ADCY4: variants seen among roughly 807,000 people sequenced by gnomAD.
ADCY4 encodes the protein adenylate cyclase type 4.
ADCY4 carries 111 observed loss-of-function variants against 125.5 expected under a neutral mutation model. The ratio of observed to expected loss-of-function variants is 0.88; its 90% CI spans 0.76 to 1.04. ADCY4 has a LOEUF of 1.04. ADCY4 is among the 50% of genes least tolerant of loss of function. The pLI, the probability that ADCY4 is intolerant of heterozygous loss-of-function variation, is 0.00. For synonymous variants in ADCY4, 576 were observed against 586.9 expected, an observed-to-expected ratio of 0.98 and a Z score of 0.27; for missense variants, 1,256 against 1,382.9, an observed-to-expected ratio of 0.91 and a Z score of 1.46.
At position 24,328,972 on chromosome 14, in the gene ADCY4, G is replaced by A; in HGVS notation, c.1524+89C>T. The A allele has an allele frequency of 2.0e-6, 3 of 1,464,690 alleles. No individual in the cohort carries two copies. In the South Asian group the frequency reaches 3.8e-5, roughly 18 times the overall value. The allele number at this position is 1,464,690 out of a possible 1,614,324, so 90.7% of individuals were successfully genotyped here. A position where few individuals can be genotyped will look rare whatever the true frequency, so the allele number is the denominator to read the frequency against. ...CAAATCATTAAGTGGCTCACTGGTG[G>A]TGGGGGCAGGGAAGGCTGCCAGTGG... On this transcript the variant is annotated intron_variant, in intron 10 of 24. Transcript: ENST00000418030.
intron 10 of ADCY4, chr14:24,328,672 A>G (rs1178297889): frequency 4.8e-6 from 1 of 206,428 alleles, no homozygotes; most frequent in East Asian, 1.3e-4. Flanking sequence ...ATTCGGGGCC[A>G]CTACCGGTCT....
chr14:24,328,880 G>T, intron 10 of ADCY4, 181 bp downstream of exon 10: 1 of 725,476 alleles, frequency 1.4e-6, no homozygotes. Context: ...TTCTCTAGAA[G>T]GAGGGGCAAG....
chr14:24,322,247 A>G (rs2139196789), intron 19 of ADCY4, 23 bp from the exon 20 acceptor site: 1 of 1,601,646 alleles, frequency 6.2e-7, no homozygotes, highest in Non-Finnish European at 8.5e-7. Flanking sequence ...ACCCGGGGCC[A>G]TGGGGAGACA....
intron 20 of ADCY4, 122 bp downstream of exon 20, chr14:24,321,944 A>G: frequency 7.1e-7 from 1 of 1,417,596 alleles, no homozygotes; most frequent in Non-Finnish European, 9.3e-7. Context: ...ACGCTTGACA[A>G]GCACAAGGGC....
At position 24,324,191 on chromosome 14, in the gene ADCY4, G is replaced by A. The variant is rs371700214; in HGVS notation, c.1917C>T (p.Val639=). ...VCFSEDLMRC[V]LKGPKMLHWL... is the part of the protein sequence containing the mutation. ...AGTGCAGCATCTTGGGGCCTTTCAG[G>A]ACACACCTCTGTGGAGGGAGCATGG... The change falls in exon 16 of 25, where the codon GTC becomes GTT. Residue 639 remains valine, a synonymous_variant. Coordinates refer to ENST00000418030, the MANE Select transcript of ADCY4 (RefSeq NM_001198568.2). 7.4e-6 allele frequency: 12 copies of A among 1,614,116 alleles called. No individual in the cohort carries two copies. The African/African-American group carries it at 1.6e-4, about 22-fold the overall frequency.
At chr14:24,325,306 G>A (rs533683881) in intron 14 of ADCY4, 71 bp downstream of exon 14, 1 of 1,305,380 alleles carries the variant, frequency 7.7e-7, no homozygotes, top group Non-Finnish European at 1.1e-6. Flanking sequence ...AAGAAAGTGT[G>A]GCCCGGGGTC....
At chr14:24,331,179 C>A (rs1173801311) in intron 5 of ADCY4, 29 bp downstream of exon 5, 3 of 1,613,700 alleles carry the variant, frequency 1.9e-6, no homozygotes, top group Non-Finnish European at 2.5e-6. Flanking sequence ...GCCCACAGGC[C>A]CCTCCCCTCC....
intron 9 of ADCY4, 65 bp downstream of exon 9, chr14:24,329,336 T>G (rs1447297067): frequency 7.0e-6 from 11 of 1,562,616 alleles, no homozygotes; most frequent in Non-Finnish European, 7.8e-6. Flanking sequence ...ACAGAAGAGA[T>G]CAGGCCTGTT....
At chr14:24,321,943 A>C in intron 20 of ADCY4, 123 bp downstream of exon 20, 1 of 1,418,676 alleles carries the variant, frequency 7.0e-7, no homozygotes, top group Middle Eastern at 2.0e-4. Flanking sequence ...GACGCTTGAC[A>C]AGCACAAGGG....
rs756925041 is a variant in ADCY4 at position 24,329,403 on chromosome 14, G to C, written c.1348C>G (p.Arg450Gly). 6.4e-7 allele frequency: 1 copy of C among 1,551,392 alleles called. No individual in the cohort carries two copies. The highest frequency in any genetic ancestry group is 1.4e-5 in the African/African-American group (1 of 72,520). Reference protein sequence around the residue: ...GEPTYLVIDPRAEEEDEKGTA... With the variant: ...GEPTYLVIDPGAEEEDEKGTA... ...TGGGGTCTGGGCTGGGCTTTTACCC[G>C]TGGATCGATGACCAGATAGGTAGGC... The change falls in exon 9 of 25, where the codon CGG (arginine) becomes GGG (glycine). Residue 450 changes from arginine to glycine, a missense_variant and splice_region_variant. Coordinates refer to ENST00000418030, the MANE Select transcript of ADCY4 (RefSeq NM_001198568.2).
intron 20 of ADCY4, chr14:24,321,847 T>C: frequency 3.1e-6 from 4 of 1,311,430 alleles, no homozygotes; most frequent in Non-Finnish European, 3.9e-6. Context: ...TGGTCATGAG[T>C]TAGAGAAGAC....
At chr14:24,321,963 C>G in intron 20 of ADCY4, 103 bp downstream of exon 20, 1 of 1,464,634 alleles carries the variant, frequency 6.8e-7, no homozygotes, top group Non-Finnish European at 9.1e-7. Context: ...GCTTGGGTGA[C>G]CCTTCTGGGG....
chr14:24,334,027 A>G (rs1355360865), intron 1 of ADCY4, among the ~76,000 whole-genome samples: 1 of 152,204 alleles, frequency 6.6e-6, no homozygotes, highest in Non-Finnish European at 1.5e-5. Context: ...TGGATTGAAG[A>G]CCTTCTTCCT....
intron 1 of ADCY4, among the ~76,000 whole-genome samples, chr14:24,334,232 G>C (rs2042096722): frequency 6.6e-6 from 1 of 152,138 alleles, no homozygotes; most frequent in Non-Finnish European, 1.5e-5. Flanking sequence ...ATTTATTGTA[G>C]AACCCGTAGA....
At position 24,324,074 on chromosome 14, in the gene ADCY4, G is replaced by T. The variant is rs1407512433; in HGVS notation, c.2034C>A (p.Ala678=). 1.2e-6 allele frequency: 2 copies of T among 1,614,078 alleles called. No individual in the cohort carries two copies. Among genetic ancestry groups the T allele is most frequent in the African/African-American group, 2.7e-5 (2 of 74,948 alleles). Residue 678 remains alanine, a synonymous_variant, in exon 16 of 25, where the codon GCC becomes GCA. Transcript: ENST00000418030. ...TATILLVFAM[A]ITSLFFFPTS... ...CCTCTGTCCTCACCAGGCTGGTAAT[G>T]GCCATGGCAAAGACAAGGAGGATGG...
intron 24 of ADCY4, 41 bp from the exon 25 acceptor site, chr14:24,318,609 A>C: frequency 6.2e-7 from 1 of 1,614,090 alleles, no homozygotes; most frequent in Non-Finnish European, 8.5e-7. Context: ...AGGTGGCCCT[A>C]TTCTTAGTCC....
Position 24,331,097 on chromosome 14 carries a change from C to A in ADCY4, c.851G>T (p.Arg284Leu), listed in dbSNP as rs752323670. 2 of 1,613,466 alleles carry A rather than the reference C, an allele frequency of 1.2e-6. No homozygotes were observed. The highest frequency in any genetic ancestry group is 8.5e-7 in the Non-Finnish European group (1 of 1,179,492). ...CTTAGGGGAACACTCGCTGGCCAGC[C>A]GCGTGAAGCCCACGATGTCAGCATA... ...VLYADIVGFT[R>L]LASECSPKEL... Residue 284 changes from arginine to leucine, a missense_variant, in exon 6 of 25, where the codon CGG (arginine) becomes CTG (leucine). Physicochemically the swap from Arg to Leu is moderately radical, Grantham distance 102 (BLOSUM62 -2). Transcript: ENST00000418030.
intron 10 of ADCY4, 183 bp downstream of exon 10, chr14:24,328,875 TAGA>T: frequency 2.8e-6 from 2 of 712,938 alleles, no homozygotes; most frequent in Non-Finnish European, 4.6e-6. Flanking sequence ...GCTCTTTCTC[TAGA>T]AGGAGGGGCA....
At chr14:24,328,911 TGG>T in intron 10 of ADCY4, 148 bp downstream of exon 10, 2 of 993,760 alleles carry the variant, frequency 2.0e-6, no homozygotes, top group Non-Finnish European at 3.0e-6. Context: ...AACCAGTGAC[TGG>T]GGTGACAAGA....
Sources: gnomAD v4.1 joint callset for allele counts (sites outside exome capture counted in the v4.1 genomes callset) on GRCh38, gnomAD v4.1.1 for gene constraint, MANE v1.5 for transcripts, NCBI Gene and HGNC (gene_info 2026-07-23, HGNC 2026-07-21) for gene names.